ARHGAP20: variants seen among roughly 807,000 people sequenced by gnomAD.
ARHGAP20 encodes rho GTPase-activating protein 20.
A neutral mutation model predicts 73.7 loss-of-function variants in ARHGAP20; 34 were observed. The observed-to-expected ratio is 0.46, with a 90% CI of 0.35 to 0.61. The LOEUF (loss-of-function observed/expected upper bound fraction) is 0.61. Ranked by LOEUF, ARHGAP20 falls within the 20% of genes least tolerant of loss-of-function variation. The pLI, the probability that ARHGAP20 is intolerant of heterozygous loss-of-function variation, is 0.00. For synonymous variants in ARHGAP20, 523 were observed against 518.2 expected, an observed-to-expected ratio of 1.01 and a Z score of -0.13; for missense variants, 1,314 against 1,420.9, an observed-to-expected ratio of 0.92 and a Z score of 1.21.
chr11:110,624,393 T>C (rs1948692379), intron 3 of ARHGAP20, 82 bp from the exon 4 acceptor site: 4 of 1,174,468 alleles, frequency 3.4e-6, no homozygotes, highest in Non-Finnish European at 4.6e-6. Flanking sequence ...GGCATCATCC[T>C]CAGCAAACTA....
rs888028979 is a variant in ARHGAP20, at chr11:110,669,594, A to C, written c.188+20953T>G. ...CATCATTAGTTATCAGGGGAACACA[A>C]ATTAAAACCACAAAGAAATATAAGA... On this transcript the variant is annotated intron_variant, in intron 2 of 14. Coordinates refer to ENST00000683387, the MANE Select transcript of ARHGAP20 (RefSeq NM_001384657.1). Among the ~76,000 whole-genome samples the C allele has an allele frequency of 3.3e-5, 5 of 152,176 alleles. No individual in the cohort carries two copies. The East Asian group carries it at 7.7e-4, about 23-fold the overall frequency.
At chr11:110,656,501 C>A (rs1949469883) in intron 2 of ARHGAP20, among the ~76,000 whole-genome samples, 1 of 152,086 alleles carries the variant, frequency 6.6e-6, no homozygotes. Flanking sequence ...TACTTCTTCC[C>A]CAGTGGGTAT....
intron 10 of ARHGAP20, 108 bp from the exon 11 acceptor site, chr11:110,590,917 C>T (rs1947811450): frequency 1.2e-5 from 14 of 1,127,918 alleles, no homozygotes; most frequent in Non-Finnish European, 1.7e-5. Context: ...AGGGTAAAAG[C>T]ACTGAAGGAT....
intron 13 of ARHGAP20, among the ~76,000 whole-genome samples, chr11:110,582,901 G>C (rs1478280239): frequency 6.6e-6 from 1 of 152,140 alleles, no homozygotes; most frequent in Non-Finnish European, 1.5e-5. Context: ...TGGCTGACAG[G>C]TCTATCCATG....
intron 1 of ARHGAP20, among the ~76,000 whole-genome samples, chr11:110,696,569 A>T (rs11213540): frequency 0.018 from 2,745 of 151,650 alleles, 86 homozygotes; most frequent in African/African-American, 0.063. Flanking sequence ...TAACATTTTT[A>T]AAAAATTCTA....
intron 12 of ARHGAP20, among the ~76,000 whole-genome samples, chr11:110,586,015 G>A (rs1041045963): frequency 6.6e-6 from 1 of 152,028 alleles, no homozygotes; most frequent in Non-Finnish European, 1.5e-5. Flanking sequence ...ATCAGATTCA[G>A]GTATATGGAA....
chr11:110,696,806 T>C (rs1950345347), intron 1 of ARHGAP20, among the ~76,000 whole-genome samples: 1 of 151,684 alleles, frequency 6.6e-6, no homozygotes, highest in Admixed American at 6.6e-5. Flanking sequence ...TCCCACTTAT[T>C]AGTGAGAATA....
At chr11:110,645,081 C>T (rs568662763) in intron 2 of ARHGAP20, among the ~76,000 whole-genome samples, 36 of 152,118 alleles carry the variant, frequency 2.4e-4, no homozygotes, top group African/African-American at 8.7e-4. Flanking sequence ...GCAATCATGG[C>T]TCACTGCAAC....
At position 110,577,431 on chromosome 11, in the gene ARHGAP20, A is replaced by T. The variant is rs1359155418; in HGVS notation, c.*1939T>A. On this transcript the variant is annotated 3_prime_UTR_variant, in exon 15 of 15. Coordinates refer to ENST00000683387, the MANE Select transcript of ARHGAP20 (RefSeq NM_001384657.1). ...AAAACCTCAGCAACTATTTTCTTCT[A>T]TGCTTCAAATTGGGTGAATGATTTT... The T allele has an allele frequency of 9.1e-7, 1 of 1,098,432 alleles. No individual in the cohort carries two copies. The highest frequency in any genetic ancestry group is 5.1e-5 in the East Asian group (1 of 19,522). 68.0% of individuals were successfully genotyped at this position (1,098,432 alleles called of 1,614,324 possible). A position where few individuals can be genotyped will look rare whatever the true frequency, so the allele number is the denominator to read the frequency against.
rs534823367 is a variant in ARHGAP20, at chr11:110,656,917, C to T, written c.189-26125G>A. On this transcript the variant is annotated intron_variant, in intron 2 of 14. Transcript: ENST00000683387. ...AATGCATTCAACTTTTAATTGATTT[C>T]TTTTTACCCATTTTGTTGACAGCTA... Among the ~76,000 whole-genome samples the T allele has an allele frequency of 1.9e-4, 29 of 152,240 alleles. No individual in the cohort carries two copies. In the South Asian group the frequency reaches 5.2e-3, roughly 27 times the overall value.
intron 2 of ARHGAP20, among the ~76,000 whole-genome samples, chr11:110,658,945 C>T (rs1209763155): frequency 1.3e-5 from 2 of 152,200 alleles, no homozygotes; most frequent in African/African-American, 4.8e-5. Flanking sequence ...TGCTTAATCA[C>T]TTCTAAGTAA....
intron 2 of ARHGAP20, among the ~76,000 whole-genome samples, chr11:110,642,000 T>C (rs1407259316): frequency 6.6e-6 from 1 of 152,076 alleles, no homozygotes; most frequent in African/African-American, 2.4e-5. Context: ...ATCAATATGC[T>C]TACTGGGAAC....
chr11:110,666,438 T>C (rs1949725646), intron 2 of ARHGAP20, among the ~76,000 whole-genome samples: 1 of 152,156 alleles, frequency 6.6e-6, no homozygotes, highest in Non-Finnish European at 1.5e-5. Context: ...TTGCAGAACA[T>C]GTTTTAAAAC....
At position 110,580,326 on chromosome 11, in the gene ARHGAP20, C is replaced by T. The variant is rs1947418641; in HGVS notation, c.2620G>A (p.Glu874Lys). 1 of 1,614,228 alleles carries T rather than the reference C, an allele frequency of 6.2e-7. No homozygotes were observed. Among genetic ancestry groups the T allele is most frequent in the Non-Finnish European group, 8.5e-7 (1 of 1,180,034 alleles). Residue 874 changes from glutamate to lysine, a missense_variant, in exon 15 of 15, where the codon GAA (glutamate) becomes AAA (lysine). Glu to Lys is a moderately conservative substitution (Grantham distance 56). Coordinates refer to ENST00000683387, the MANE Select transcript of ARHGAP20 (RefSeq NM_001384657.1). ...YSKKQHKTSC[E>K]AGLLHGEEDY... ...TCCTCTCCATGCAAGAGACCAGCTT[C>T]ACAGCTGGTTTTATGTTGTTTCTTT...
chr11:110,606,477 A>G (rs1163261770), intron 9 of ARHGAP20, 84 bp downstream of exon 9: 1 of 1,373,278 alleles, frequency 7.3e-7, no homozygotes, highest in African/African-American at 1.5e-5. Flanking sequence ...AAGAAAAAAT[A>G]CCTCATCTGG....
intron 2 of ARHGAP20, among the ~76,000 whole-genome samples, chr11:110,632,822 G>C (rs763288204): frequency 6.6e-6 from 1 of 152,076 alleles, no homozygotes; most frequent in Non-Finnish European, 1.5e-5. Flanking sequence ...AAACAGTTTG[G>C]GTTATGTGTT....
At chr11:110,619,566 A>G (rs1319529254) in intron 4 of ARHGAP20, among the ~76,000 whole-genome samples, 6 of 151,092 alleles carry the variant, frequency 4.0e-5, no homozygotes, top group African/African-American at 1.5e-4. Context: ...GTGATAGAGT[A>G]TATGTAGTGA....
intron 2 of ARHGAP20, among the ~76,000 whole-genome samples, chr11:110,635,438 T>A (rs326950): frequency 2.5e-4 from 38 of 151,952 alleles, no homozygotes; most frequent in African/African-American, 8.7e-4. Context: ...CTCTCTTCAT[T>A]AGTCTACAAC....
rs575866775 is a variant in ARHGAP20 at position 110,711,625 on chromosome 11, C to A, written c.105+502G>T. 1.7e-5 allele frequency: 26 copies of A among 1,486,626 alleles called. No individual in the cohort carries two copies. The Admixed American group carries it at 5.5e-4, about 32-fold the overall frequency. The allele number at this position is 1,486,626 out of a possible 1,614,324, so 92.1% of individuals were successfully genotyped here. On this transcript the variant is annotated intron_variant, in intron 1 of 14. Coordinates refer to ENST00000683387, the MANE Select transcript of ARHGAP20 (RefSeq NM_001384657.1). ...CGCCTCGGCGGGCAGGTGAGGGGGC[C>A]GAGCCCACCAGCGCCGCAGCCCCGC...
Sources: allele counts gnomAD v4.1 joint callset (sites outside exome capture counted in the v4.1 genomes callset), GRCh38; gene constraint gnomAD v4.1.1; transcripts MANE v1.5; gene names NCBI Gene and HGNC (gene_info 2026-07-23, HGNC 2026-07-21).